The following CDH7 variants were observed in gnomAD, a reference collection of about 807,000 sequenced individuals.
The protein encoded by CDH7 is cadherin 7, also known as cadherin-7.
CDH7 carries 25 observed loss-of-function variants against 71.8 expected under a neutral mutation model. The observed-to-expected ratio is 0.35, with a 90% confidence interval of 0.25 to 0.49. The LOEUF (loss-of-function observed/expected upper bound fraction) is 0.49. Among genes scored for constraint, CDH7 ranks in the 20% least tolerant of loss-of-function variants. The pLI is 0.99. For synonymous variants in CDH7, 381 were observed against 363.8 expected, an observed-to-expected ratio of 1.05 and a Z score of -0.54; for missense variants, 862 against 974.6, an observed-to-expected ratio of 0.88 and a Z score of 1.54.
At chr18:65,775,231 T>G (rs1909893228) in intron 2 of CDH7, among the ~76,000 whole-genome samples, 1 of 152,206 alleles carries the variant, frequency 6.6e-6, no homozygotes. Flanking sequence ...TTTAGCCTAG[T>G]AGTTTTCACT....
chr18:65,840,548 T>C (rs1912692744), intron 6 of CDH7, among the ~76,000 whole-genome samples: 1 of 152,198 alleles, frequency 6.6e-6, no homozygotes, highest in Non-Finnish European at 1.5e-5. Context: ...CAGTGGGAGA[T>C]AATTGAATCA....
In CDH7 at chr18:65,795,730, A is replaced by G. The variant is rs371458900; in HGVS notation, c.211-13974A>G. Among the ~76,000 whole-genome samples the G allele has an allele frequency of 5.9e-5, 9 of 152,308 alleles. No homozygotes were observed. In the East Asian group the frequency reaches 1.5e-3, roughly 26 times the overall value. On this transcript the variant is annotated intron_variant, in intron 2 of 11. Coordinates refer to ENST00000397968, the MANE Select transcript of CDH7 (RefSeq NM_004361.5). ...ATTGCATGTTCAGGTAACATATTAT[A>G]TTGACACACTTGAAATGGTTTGGCT...
chr18:65,755,733 G>T (rs1916010457), intron 1 of CDH7, among the ~76,000 whole-genome samples: 1 of 152,132 alleles, frequency 6.6e-6, no homozygotes, highest in African/African-American at 2.4e-5. Context: ...CAATGAATAA[G>T]TACTATCCTT....
At chr18:65,824,128 A>T (rs1568205174) in intron 5 of CDH7, among the ~76,000 whole-genome samples, 1 of 149,300 alleles carries the variant, frequency 6.7e-6, no homozygotes, top group East Asian at 2.0e-4. Flanking sequence ...AATCATTCTT[A>T]TCCTTTCTTA....
chr18:65,870,258 G>A (rs578171584), intron 11 of CDH7, among the ~76,000 whole-genome samples: 107 of 152,222 alleles, frequency 7.0e-4, no homozygotes, highest in African/African-American at 2.3e-3. Context: ...AAGTAGTAGA[G>A]TTGGTCCATA....
chr18:65,878,822 G>A (rs1214148595), intron 11 of CDH7, among the ~76,000 whole-genome samples: 1 of 152,100 alleles, frequency 6.6e-6, no homozygotes, highest in African/African-American at 2.4e-5. Context: ...ATGAGAAGGT[G>A]GCCAGAAAAG....
intron 2 of CDH7, among the ~76,000 whole-genome samples, chr18:65,766,407 A>G (rs938105411): frequency 6.6e-6 from 1 of 152,154 alleles, no homozygotes; most frequent in East Asian, 1.9e-4. Context: ...CTTTTTACAT[A>G]TGATAACCAA....
At chr18:65,829,902 T>G (rs1420437743) in intron 6 of CDH7, among the ~76,000 whole-genome samples, 1 of 151,912 alleles carries the variant, frequency 6.6e-6, no homozygotes, top group Non-Finnish European at 1.5e-5. Context: ...GACTTAGCTG[T>G]GGCCACAAGG....
At chr18:65,777,229 A>C (rs577366201) in intron 2 of CDH7, among the ~76,000 whole-genome samples, 1 of 152,296 alleles carries the variant, frequency 6.6e-6, no homozygotes, top group Non-Finnish European at 1.5e-5. Context: ...TCTGCAATAT[A>C]AAGCTGAAGG....
intron 2 of CDH7, among the ~76,000 whole-genome samples, chr18:65,780,918 GTTTTTTT>G (rs35645871): frequency 3.8e-5 from 4 of 104,840 alleles, no homozygotes; most frequent in Non-Finnish European, 6.1e-5. Context: ...CTCTATTCCT[GTTTTTTT>G]TTTTTTTTTT....
chr18:65,794,687 A>G (rs763573470), intron 2 of CDH7, among the ~76,000 whole-genome samples: 1 of 151,900 alleles, frequency 6.6e-6, no homozygotes, highest in African/African-American at 2.4e-5. Flanking sequence ...AAAGAATCCA[A>G]GCTCTTCTAA....
intron 2 of CDH7, among the ~76,000 whole-genome samples, chr18:65,793,306 G>A (rs1385948794): frequency 2.6e-5 from 4 of 151,596 alleles, no homozygotes; most frequent in Non-Finnish European, 1.5e-5. Flanking sequence ...GGTGTCACGT[G>A]TGTGTCATTT....
At chr18:65,871,590 G>A (rs935830703) in intron 11 of CDH7, among the ~76,000 whole-genome samples, 2 of 152,112 alleles carry the variant, frequency 1.3e-5, no homozygotes, top group African/African-American at 4.8e-5. Context: ...AATGAAGAAG[G>A]TGGAGTCACA....
At chr18:65,793,790 G>A (rs1910801822) in intron 2 of CDH7, among the ~76,000 whole-genome samples, 1 of 152,108 alleles carries the variant, frequency 6.6e-6, no homozygotes, top group South Asian at 2.1e-4. Flanking sequence ...TGAAGCTGTT[G>A]TCATCATGTT....
chr18:65,830,569 T>C, intron 6 of CDH7, among the ~76,000 whole-genome samples: 1 of 148,360 alleles, frequency 6.7e-6, no homozygotes, highest in East Asian at 2.0e-4. Context: ...TTCCTCTCTC[T>C]CTCCTTCCTT....
intron 4 of CDH7, among the ~76,000 whole-genome samples, chr18:65,820,723 C>T (rs1911892164): frequency 6.6e-6 from 1 of 152,012 alleles, no homozygotes; most frequent in African/African-American, 2.4e-5. Context: ...TATAAAAAGA[C>T]AATTAGAAGT....
At chr18:65,869,653 T>C (rs1230606490) in intron 11 of CDH7, among the ~76,000 whole-genome samples, 1 of 144,528 alleles carries the variant, frequency 6.9e-6, no homozygotes, top group East Asian at 2.3e-4. Context: ...CATCTAGCAG[T>C]CTTTGAGCAT....
At chr18:65,841,352 C>G (rs1483663516) in intron 6 of CDH7, among the ~76,000 whole-genome samples, 1 of 152,066 alleles carries the variant, frequency 6.6e-6, no homozygotes, top group Non-Finnish European at 1.5e-5. Context: ...GGGAGACAAA[C>G]TTTTACTTGA....
At position 65,874,470 on chromosome 18, in the gene CDH7, G is replaced by A. The variant is rs115762588; in HGVS notation, c.1865-5931G>A. Among the ~76,000 whole-genome samples the A allele has an allele frequency of 4.4e-3, 662 of 152,050 alleles. 5 individuals carry two copies. The highest frequency in any genetic ancestry group is 0.015 in the African/African-American group (635 of 41,490). On this transcript the variant is annotated intron_variant, in intron 11 of 11. Coordinates refer to ENST00000397968, the MANE Select transcript of CDH7 (RefSeq NM_004361.5). ...TTTATAGGTGGGAGCTAAACAATGC[G>A]TACACATGGATATAGCATGGTGGAA...
Sources: allele counts gnomAD v4.1 joint callset (sites outside exome capture counted in the v4.1 genomes callset), GRCh38; gene constraint gnomAD v4.1.1; transcripts MANE v1.5; gene names NCBI Gene and HGNC (gene_info 2026-07-23, HGNC 2026-07-21).